The following TRPC4 variants were observed in gnomAD, a reference collection of about 807,000 sequenced individuals.
The protein encoded by TRPC4 is short transient receptor potential channel 4.
In TRPC4, 49 loss-of-function variants were observed where a neutral mutation model predicts 99.4. The observed-to-expected ratio is 0.49, with a 90% confidence interval of 0.39 to 0.63. The LOEUF (loss-of-function observed/expected upper bound fraction) is 0.63. Ranked by LOEUF, TRPC4 falls within the 20% of genes least tolerant of loss-of-function variation. TRPC4 has a pLI of 0.00. For missense variants in TRPC4, 898 were observed against 1,152.9 expected (o/e 0.78, Z 3.20); for synonymous variants, 454 against 425.9 (o/e 1.07, Z -0.81).
chr13:37,811,872 C>T (rs1566188462), intron 1 of TRPC4, among the ~76,000 whole-genome samples: 1 of 151,832 alleles, frequency 6.6e-6, no homozygotes, highest in African/African-American at 2.4e-5. Context: ...ATATTTAATT[C>T]AAGACCCTGG....
Position 37,828,988 on chromosome 13 carries a change from A to G in TRPC4, c.-28+40607T>C, listed in dbSNP as rs369737934. Among the ~76,000 whole-genome samples, 7 of 152,324 alleles carry G rather than the reference A, an allele frequency of 4.6e-5. No individual in the cohort carries two copies. The East Asian group carries it at 9.6e-4, about 21-fold the overall frequency. ...AAAATAAAAGTTAAGAAAAAAATTT[A>G]AAAAGAGCTAAAAACTATACAATTC... On this transcript the variant is annotated intron_variant, in intron 1 of 10. Coordinates refer to ENST00000379705, the MANE Select transcript of TRPC4 (RefSeq NM_016179.4).
intron 1 of TRPC4, among the ~76,000 whole-genome samples, chr13:37,810,286 A>T (rs1010250045): frequency 1.3e-5 from 2 of 152,084 alleles, no homozygotes; most frequent in Non-Finnish European, 2.9e-5. Context: ...CCCATTACAC[A>T]GCCAAAATTA....
chr13:37,810,011 T>G (rs1371308182), intron 1 of TRPC4, among the ~76,000 whole-genome samples: 1 of 152,120 alleles, frequency 6.6e-6, no homozygotes, highest in Non-Finnish European at 1.5e-5. Context: ...TTCAAGAGTT[T>G]TCTTATCAGT....
chr13:37,787,795 G>C (rs1266594883), intron 1 of TRPC4, among the ~76,000 whole-genome samples: 1 of 151,928 alleles, frequency 6.6e-6, no homozygotes, highest in Non-Finnish European at 1.5e-5. Flanking sequence ...TTTATCCTAG[G>C]ATTTTAAAGA....
intron 1 of TRPC4, among the ~76,000 whole-genome samples, chr13:37,845,554 A>T (rs1958868122): frequency 6.6e-6 from 1 of 152,060 alleles, no homozygotes; most frequent in South Asian, 2.1e-4. Flanking sequence ...AGACTTGATC[A>T]AGTAGATCAG....
intron 3 of TRPC4, among the ~76,000 whole-genome samples, chr13:37,745,482 A>C (rs1211716802): frequency 4.5e-5 from 6 of 133,784 alleles, no homozygotes; most frequent in African/African-American, 9.2e-5. Context: ...ATACACACAC[A>C]CACACACTTA....
At chr13:37,702,435 A>G (rs1324537265) in intron 3 of TRPC4, among the ~76,000 whole-genome samples, 1 of 152,174 alleles carries the variant, frequency 6.6e-6, no homozygotes, top group Admixed American at 6.6e-5. Context: ...TGATATTTCA[A>G]ATATTCCAAA....
At chr13:37,761,769 A>G (rs113632809) in intron 2 of TRPC4, among the ~76,000 whole-genome samples, 500 of 151,904 alleles carry the variant, frequency 3.3e-3, no homozygotes, top group Non-Finnish European at 5.3e-3. Context: ...GACCAGATTC[A>G]TTTGTTTCTC....
intron 4 of TRPC4, among the ~76,000 whole-genome samples, chr13:37,691,723 A>C (rs761396736): frequency 4.6e-5 from 7 of 152,226 alleles, no homozygotes; most frequent in Non-Finnish European, 8.8e-5. Context: ...AAGTTTTAAT[A>C]AACAAAAAAC....
chr13:37,708,784 C>T (rs1469547590), intron 3 of TRPC4, among the ~76,000 whole-genome samples: 1 of 150,376 alleles, frequency 6.6e-6, no homozygotes, highest in Admixed American at 6.7e-5. Context: ...GTCATGTATT[C>T]CACTAGTTGA....
intron 2 of TRPC4, among the ~76,000 whole-genome samples, chr13:37,762,118 C>G (rs977311292): frequency 4.6e-5 from 7 of 151,818 alleles, no homozygotes; most frequent in Non-Finnish European, 7.4e-5. Context: ...GGGTTATTAT[C>G]ACTAACTCTT....
chr13:37,665,840 C>CAAAAAAAAAAAAAAAAAAAAAAAAAAAA (rs1168472231), intron 5 of TRPC4, among the ~76,000 whole-genome samples: 1 of 71,026 alleles, frequency 1.4e-5, no homozygotes. Context: ...TCAGCTGAGA[C>CAAAAAAAAAAAAAAAAAAAAAAAAAAAA]AAAAAAAAAA....
intron 2 of TRPC4, among the ~76,000 whole-genome samples, chr13:37,756,366 CAG>C (rs1329995206): frequency 6.6e-6 from 1 of 152,066 alleles, no homozygotes; most frequent in African/African-American, 2.4e-5. Flanking sequence ...AAAGACTAAA[CAG>C]AATTCAAATT....
intron 3 of TRPC4, among the ~76,000 whole-genome samples, chr13:37,693,416 G>T (rs533589187): frequency 6.6e-6 from 1 of 152,158 alleles, no homozygotes; most frequent in African/African-American, 2.4e-5. Flanking sequence ...AGAAGTGTAA[G>T]TTCCTTGTAA....
intron 1 of TRPC4, among the ~76,000 whole-genome samples, chr13:37,789,244 C>G (rs1473240082): frequency 6.6e-6 from 1 of 152,170 alleles, no homozygotes; most frequent in Non-Finnish European, 1.5e-5. Context: ...TACCAAACTA[C>G]TTGGCTACTG....
At chr13:37,867,890 A>T (rs1049267134) in intron 1 of TRPC4, among the ~76,000 whole-genome samples, 1 of 152,144 alleles carries the variant, frequency 6.6e-6, no homozygotes, top group African/African-American at 2.4e-5. Context: ...AGTCCTATAG[A>T]TGGCTGTAGT....
At chr13:37,856,642 A>G (rs976732432) in intron 1 of TRPC4, among the ~76,000 whole-genome samples, 4 of 151,662 alleles carry the variant, frequency 2.6e-5, no homozygotes, top group African/African-American at 7.3e-5. Context: ...ACAAAATATG[A>G]GCAAACTGAA....
rs1156474275 is a variant in TRPC4, at chr13:37,634,733, T to C, written c.*2170A>G. Among the ~76,000 whole-genome samples the C allele has an allele frequency of 1.3e-5, 2 of 151,976 alleles. No individual in the cohort carries two copies. Among genetic ancestry groups the C allele is most frequent in the African/African-American group, 4.8e-5 (2 of 41,398 alleles). Reference sequence around the variant, plus strand: ...ACGCACAAGAGAGGCAAAAAGAAATTAATAGAAAATATCCCAAATATTAAC... The same window carrying C: ...ACGCACAAGAGAGGCAAAAAGAAATCAATAGAAAATATCCCAAATATTAAC... On this transcript the variant is annotated 3_prime_UTR_variant, in exon 11 of 11. Transcript: ENST00000379705.
chr13:37,774,099 T>C (rs1956635937), intron 2 of TRPC4, among the ~76,000 whole-genome samples: 1 of 151,700 alleles, frequency 6.6e-6, no homozygotes, highest in African/African-American at 2.4e-5. Context: ...CCTCAGGGAC[T>C]CCAGAAATCA....
Sources: gnomAD v4.1 joint callset for allele counts (sites outside exome capture counted in the v4.1 genomes callset) on GRCh38, gnomAD v4.1.1 for gene constraint, MANE v1.5 for transcripts, NCBI Gene and HGNC (gene_info 2026-07-23, HGNC 2026-07-21) for gene names.